The following CSMD1 variants were observed in gnomAD, a reference collection of about 807,000 sequenced individuals.
CSMD1 encodes CUB and sushi domain-containing protein 1.
A neutral mutation model predicts 417.5 loss-of-function variants in CSMD1; 213 were observed. The ratio of observed to expected loss-of-function variants is 0.51; its 90% CI spans 0.46 to 0.57. The LOEUF (loss-of-function observed/expected upper bound fraction) is 0.57, where lower values mean the gene tolerates loss of function less well. Among genes scored for constraint, CSMD1 ranks in the 20% least tolerant of loss-of-function variants. The probability of loss-of-function intolerance (pLI) is 0.00; values close to 1 mark genes in which losing one functional copy is unlikely to be tolerated. For missense variants in CSMD1, 6,923 were observed against 4,529.7 expected (o/e 1.53, Z -15.17); for synonymous variants, 2,862 against 1,736.8 (o/e 1.65, Z -16.11).
chr8:4,769,599 T>C (rs1189575246), intron 1 of CSMD1, among the ~76,000 whole-genome samples: 1 of 152,326 alleles, frequency 6.6e-6, no homozygotes, highest in East Asian at 1.9e-4. Flanking sequence ...TGTAAATTAA[T>C]GAATATTCTA....
At chr8:3,315,585 AG>A (rs1805697735) in intron 23 of CSMD1, among the ~76,000 whole-genome samples, 1 of 151,966 alleles carries the variant, frequency 6.6e-6, no homozygotes, top group South Asian at 2.1e-4. Context: ...CCATATATTA[AG>A]TTTTTGCTGA....
chr8:3,973,022 A>G (rs202028491), intron 5 of CSMD1, among the ~76,000 whole-genome samples: 4 of 152,262 alleles, frequency 2.6e-5, no homozygotes, highest in Admixed American at 2.6e-4. Flanking sequence ...TTCTCTTCTA[A>G]CAGTGTTTAC....
chr8:3,729,560 G>C (rs183013469), intron 6 of CSMD1, among the ~76,000 whole-genome samples: 3 of 152,238 alleles, frequency 2.0e-5, no homozygotes, highest in Admixed American at 1.3e-4. Context: ...ATGTCCAGAA[G>C]GTATCGGGTC....
intron 10 of CSMD1, among the ~76,000 whole-genome samples, chr8:3,509,065 C>A (rs1184375151): frequency 6.6e-6 from 1 of 152,180 alleles, no homozygotes; most frequent in Non-Finnish European, 1.5e-5. Flanking sequence ...GTCCATGTGC[C>A]AGTTTCCTCC....
intron 1 of CSMD1, among the ~76,000 whole-genome samples, chr8:4,690,642 C>T (rs555346197): frequency 2.0e-5 from 3 of 152,186 alleles, no homozygotes; most frequent in Admixed American, 6.5e-5. Flanking sequence ...TCACACAATC[C>T]TTTTGTGAAA....
At chr8:4,581,363 G>A (rs906132059) in intron 2 of CSMD1, among the ~76,000 whole-genome samples, 22 of 152,050 alleles carry the variant, frequency 1.4e-4, no homozygotes, top group African/African-American at 5.1e-4. Context: ...ACTACCTCTC[G>A]ATATACTGTA....
chr8:3,316,406 T>C (rs1408363994), intron 23 of CSMD1, among the ~76,000 whole-genome samples: 1 of 152,184 alleles, frequency 6.6e-6, no homozygotes, highest in African/African-American at 2.4e-5. Flanking sequence ...TCTTCCCCTG[T>C]CTAATGAATG....
At chr8:4,259,829 TAATATTGTTTTGGAATTCATCCACCTTAA>T (rs1803744867) in intron 3 of CSMD1, among the ~76,000 whole-genome samples, 1 of 152,226 alleles carries the variant, frequency 6.6e-6, no homozygotes, top group Non-Finnish European at 1.5e-5. Flanking sequence ...ACATTACTCA[TAATATTGTTTTGGAATTCATCCACCTTAA>T]AATATTGCAG....
chr8:3,961,968 C>G (rs1812359192), intron 5 of CSMD1, among the ~76,000 whole-genome samples: 2 of 152,176 alleles, frequency 1.3e-5, no homozygotes. Context: ...AAAGGAAAAG[C>G]AATGCAGCAA....
intron 3 of CSMD1, among the ~76,000 whole-genome samples, chr8:4,122,714 G>C (rs1485974505): frequency 6.6e-6 from 1 of 152,202 alleles, no homozygotes; most frequent in East Asian, 1.9e-4. Flanking sequence ...CTGTAACCCA[G>C]GATTTTTTCC....
Position 4,392,630 on chromosome 8 carries a change from GT to G in CSMD1, c.415+27322del, listed in dbSNP as rs905426689. On this transcript the variant is annotated intron_variant, in intron 3 of 69. Coordinates refer to ENST00000635120, the MANE Select transcript of CSMD1 (RefSeq NM_033225.6). ...AATAGGATATGAGAAAAGAGCAGGGGTTTTTTGGGGGGGAGGGTTATTATTA... is the reference window on the plus strand; with the variant it reads ...AATAGGATATGAGAAAAGAGCAGGGGTTTTTGGGGGGGAGGGTTATTATTA... Among the ~76,000 whole-genome samples the G allele has an allele frequency of 2.8e-4, 42 of 151,294 alleles. 1 individual carries two copies. The highest frequency in any genetic ancestry group is 8.5e-4 in the African/African-American group (35 of 41,182).
rs33939239 is a variant in CSMD1, at chr8:3,520,020, C to CTATATATATATATATATA, written c.1345-26312_1345-26295dup. ...TATATATGTGTGTGTGTGTATATAC[C>CTATATATATATATATATA]TATATATATATATATATATACACGT... is the stretch of plus-strand genomic sequence containing the variant. On this transcript the variant is annotated intron_variant, in intron 10 of 69. Coordinates refer to ENST00000635120, the MANE Select transcript of CSMD1 (RefSeq NM_033225.6). Among the ~76,000 whole-genome samples, 169 of 137,566 alleles carry CTATATATATATATATATA rather than the reference C, an allele frequency of 1.2e-3. 4 individuals carry two copies. Among genetic ancestry groups the CTATATATATATATATATA allele is most frequent in the African/African-American group, 4.9e-3 (165 of 33,850 alleles). 90.2% of individuals were successfully genotyped at this position (137,566 alleles called of 152,430 possible). A position where few individuals can be genotyped will look rare whatever the true frequency, so the allele number is the denominator to read the frequency against.
intron 3 of CSMD1, among the ~76,000 whole-genome samples, chr8:4,136,461 T>A (rs140426077): frequency 2.0e-5 from 3 of 152,250 alleles, no homozygotes; most frequent in East Asian, 1.9e-4. Flanking sequence ...AATGCCTCTG[T>A]GTGTTAGCAA....
At chr8:3,390,712 A>G (rs1302522517) in intron 17 of CSMD1, among the ~76,000 whole-genome samples, 2 of 152,142 alleles carry the variant, frequency 1.3e-5, no homozygotes, top group Admixed American at 6.5e-5. Flanking sequence ...TTTGCTACTT[A>G]ATGAATAAAG....
chr8:3,440,621 A>C (rs75145477), intron 12 of CSMD1, among the ~76,000 whole-genome samples: 3,978 of 152,218 alleles, frequency 0.026, 87 homozygotes, highest in East Asian at 0.092. Flanking sequence ...TTTTCTTTGC[A>C]ATCTGTATGC....
At chr8:3,309,216 T>C (rs62504431) in intron 23 of CSMD1, among the ~76,000 whole-genome samples, 12,613 of 152,036 alleles carry the variant, frequency 0.083, 666 homozygotes, top group Non-Finnish European at 0.12. Context: ...ACTGCCAGGG[T>C]GCTTTGCAGA....
At chr8:4,865,683 G>A (rs189589791) in intron 1 of CSMD1, among the ~76,000 whole-genome samples, 4 of 151,820 alleles carry the variant, frequency 2.6e-5, no homozygotes, top group African/African-American at 9.7e-5. Flanking sequence ...ATTGGGAGGG[G>A]TACTTCCATC....
chr8:3,975,473 T>C (rs1181835916), intron 5 of CSMD1, among the ~76,000 whole-genome samples: 1 of 152,086 alleles, frequency 6.6e-6, no homozygotes, highest in East Asian at 1.9e-4. Flanking sequence ...TACATCACAG[T>C]GGAGTGACAC....
chr8:4,062,427 A>G (rs1438552609), intron 3 of CSMD1, among the ~76,000 whole-genome samples: 3 of 152,116 alleles, frequency 2.0e-5, no homozygotes, highest in African/African-American at 4.8e-5. Context: ...GTATTCTAGA[A>G]ATTTTCTAAG....
Sources: allele counts gnomAD v4.1 joint callset (sites outside exome capture counted in the v4.1 genomes callset), GRCh38; gene constraint gnomAD v4.1.1; transcripts MANE v1.5; gene names NCBI Gene and HGNC (gene_info 2026-07-23, HGNC 2026-07-21).